Variants in ZSCAN4 observed in about 807,000 individuals in gnomAD.
ZSCAN4 encodes zinc finger and SCAN domain containing 4, also known as zinc finger and SCAN domain-containing protein 4.
Under a neutral mutation model 18.3 loss-of-function variants are expected in ZSCAN4, and 18 were observed. The ratio of observed to expected loss-of-function variants is 0.98; its 90% CI spans 0.68 to 1.46. ZSCAN4 has a LOEUF of 1.46. ZSCAN4 is among the 40% of genes most tolerant of loss of function. ZSCAN4 has a pLI of 0.00. For synonymous variants in ZSCAN4, 193 were observed against 180.3 expected, an observed-to-expected ratio of 1.07 and a Z score of -0.57; for missense variants, 498 against 511.4, an observed-to-expected ratio of 0.97 and a Z score of 0.25.
chr19:57,662,459 T>C, the ZSCAN4 span, among the ~76,000 whole-genome samples: 18 of 152,244 alleles, frequency 1.2e-4, no homozygotes, highest in Admixed American at 2.6e-4. Context: ...TTTCATTTTA[T>C]TAAAAATTGC....
chr19:57,659,927 C>T, the ZSCAN4 span, among the ~76,000 whole-genome samples: 6 of 152,188 alleles, frequency 3.9e-5, no homozygotes, highest in African/African-American at 1.4e-4. Context: ...TTAATAGTTT[C>T]AGTAATATAC....
exon 3 of ZSCAN4, chr19:57,676,100 A>C (rs765056794): frequency 1.9e-6 from 3 of 1,543,214 alleles, no homozygotes; most frequent in Admixed American, 2.0e-5. Flanking sequence ...ACAAGGCAAG[A>C]GACTGAATCA....
chr19:57,676,575 A>G (rs1984198215), intron 3 of ZSCAN4, 34 bp downstream of exon 3: 1 of 1,559,466 alleles, frequency 6.4e-7, no homozygotes, highest in Non-Finnish European at 8.7e-7. Flanking sequence ...GGGATGAGAG[A>G]CAAAGGAAAG....
upstream of ZSCAN4, among the ~76,000 whole-genome samples, chr19:57,666,428 G>A (rs1179466409): frequency 2.6e-5 from 4 of 152,102 alleles, no homozygotes; most frequent in Non-Finnish European, 5.9e-5. Context: ...GGGCTGCCTC[G>A]GAAGCTGGCA....
At chr19:57,663,204 T>C in the ZSCAN4 span, among the ~76,000 whole-genome samples, 1 of 151,324 alleles carries the variant, frequency 6.6e-6, no homozygotes, top group Non-Finnish European at 1.5e-5. Context: ...CACCCGGGAT[T>C]GTTATTCTTC....
chr19:57,654,839 A>G, the ZSCAN4 span, among the ~76,000 whole-genome samples: 1 of 152,104 alleles, frequency 6.6e-6, no homozygotes, highest in Non-Finnish European at 1.5e-5. Flanking sequence ...GCTAACATGG[A>G]CTATATTCCC....
chr19:57,672,972 G>A (rs4239480), intron 2 of ZSCAN4, among the ~76,000 whole-genome samples: 25,649 of 151,938 alleles, frequency 0.17, 2,231 homozygotes, highest in East Asian at 0.26. Flanking sequence ...CCACCATGCC[G>A]TACATCAGAT....
chr19:57,678,814 G>A, exon 5 of ZSCAN4: 1 of 1,614,122 alleles, frequency 6.2e-7, no homozygotes. Context: ...TGTAAGACAA[G>A]CTACCGCCAG....
intron 2 of ZSCAN4, 75 bp from the exon 3 acceptor site, chr19:57,675,966 G>T: frequency 1.7e-6 from 1 of 588,956 alleles, no homozygotes; most frequent in Non-Finnish European, 2.9e-6. Flanking sequence ...AGCCATGTAG[G>T]CCTAACTTTT....
chr19:57,658,725 T>G, the ZSCAN4 span, among the ~76,000 whole-genome samples: 1 of 151,312 alleles, frequency 6.6e-6, no homozygotes, highest in East Asian at 1.9e-4. Flanking sequence ...TCCCAGCTAC[T>G]TGGGAGGCTG....
At chr19:57,660,376 T>C in the ZSCAN4 span, among the ~76,000 whole-genome samples, 1 of 152,224 alleles carries the variant, frequency 6.6e-6, no homozygotes, top group Admixed American at 6.5e-5. Flanking sequence ...CTCTTGGTAC[T>C]GTGCAGATAC....
the ZSCAN4 span, among the ~76,000 whole-genome samples, chr19:57,652,025 C>A: frequency 2.0e-5 from 3 of 152,140 alleles, no homozygotes; most frequent in Non-Finnish European, 4.4e-5. Flanking sequence ...TGCTCCAACC[C>A]CCAAGGGACT....
exon 5 of ZSCAN4, chr19:57,678,745 C>T: frequency 6.2e-7 from 1 of 1,614,128 alleles, no homozygotes; most frequent in Non-Finnish European, 8.5e-7. Context: ...AGCCACAAAA[C>T]CAACCTGCGG....
At chr19:57,676,641 G>A (rs1190608460) in intron 3 of ZSCAN4, 100 bp downstream of exon 3, 11 of 1,340,494 alleles carry the variant, frequency 8.2e-6, no homozygotes, top group Admixed American at 4.7e-5. Context: ...AGCTATTGGA[G>A]GTCCAGTTAT....
Position 57,670,337 on chromosome 19 carries a change from C to G in ZSCAN4, c.-336C>G, listed in dbSNP as rs1423626338. Reference sequence around the variant, plus strand: ...AATTCAATCAACAGACAAGTGTTATCCAATCACGTCTTTAAATCAATCACT... The same window carrying G: ...AATTCAATCAACAGACAAGTGTTATGCAATCACGTCTTTAAATCAATCACT... On this transcript the variant is annotated 5_prime_UTR_variant, in exon 2 of 5. In the 5' UTR this introduces an upstream ATG that the reference lacks. Transcript: ENST00000318203. The G allele has an allele frequency of 2.0e-5, 3 of 152,090 alleles. No individual in the cohort carries two copies. The highest frequency in any genetic ancestry group is 4.4e-5 in the Non-Finnish European group (3 of 68,014). 9.4% of individuals were successfully genotyped at this position (152,090 alleles called of 1,614,324 possible).
At chr19:57,663,050 C>T in the ZSCAN4 span, among the ~76,000 whole-genome samples, 2 of 147,474 alleles carry the variant, frequency 1.4e-5, no homozygotes, top group East Asian at 2.0e-4. Context: ...GAACTACGGA[C>T]GTACCACCAC....
exon 5 of ZSCAN4, chr19:57,678,690 A>T: frequency 6.2e-7 from 1 of 1,614,198 alleles, no homozygotes; most frequent in East Asian, 2.2e-5. Context: ...GATAATTCAC[A>T]CAGGAAAGAA....
chr19:57,675,794 A>G (rs1984162616), intron 2 of ZSCAN4, among the ~76,000 whole-genome samples: 1 of 152,164 alleles, frequency 6.6e-6, no homozygotes, highest in Non-Finnish European at 1.5e-5. Flanking sequence ...ATGTGAGTAG[A>G]TTTTATTTTC....
Position 57,677,935 on chromosome 19 carries a change from C to T in ZSCAN4, c.418C>T (p.Gln140Ter). 1 of 1,554,102 alleles carries T rather than the reference C, an allele frequency of 6.4e-7. No homozygotes were observed. Among genetic ancestry groups the T allele is most frequent in the South Asian group, 1.2e-5 (1 of 80,020 alleles). Residue 140 changes from glutamine to a stop codon, truncating the protein, a stop_gained, in exon 4 of 5, where the codon CAG (glutamine) becomes TAG (stop). Transcript: ENST00000318203. LOFTEE classifies it high-confidence loss of function. ...ACAGGTCCACGTCCACATGCAGGGA[C>T]AGGAAGCTCTCTTTTCTGAGGATAT...
Sources: gnomAD v4.1 joint callset for allele counts (sites outside exome capture counted in the v4.1 genomes callset) on GRCh38, gnomAD v4.1.1 for gene constraint, MANE v1.5 for transcripts, NCBI Gene and HGNC (gene_info 2026-07-23, HGNC 2026-07-21) for gene names.